MAPK8IP1: variants seen among roughly 807,000 people sequenced by gnomAD.
MAPK8IP1 encodes mitogen-activated protein kinase 8 interacting protein 1, also known as C-Jun-amino-terminal kinase-interacting protein 1.
In MAPK8IP1, 17 loss-of-function variants were observed where a neutral mutation model predicts 72.6. The ratio of observed to expected loss-of-function variants is 0.23; its 90% CI spans 0.16 to 0.35. MAPK8IP1 has a LOEUF of 0.35. Ranked by LOEUF, MAPK8IP1 falls within the 10% of genes least tolerant of loss-of-function variation. The pLI is 1.00. For synonymous variants in MAPK8IP1, 401 were observed against 443.4 expected, an observed-to-expected ratio of 0.90 and a Z score of 1.20; for missense variants, 789 against 1,009.7, an observed-to-expected ratio of 0.78 and a Z score of 2.96.
intron 1 of MAPK8IP1, among the ~76,000 whole-genome samples, chr11:45,892,273 A>C (rs952414578): frequency 6.6e-6 from 1 of 152,198 alleles, no homozygotes; most frequent in African/African-American, 2.4e-5. Context: ...AGAGGACCTG[A>C]CATCCTAGCC....
chr11:45,896,051 G>A (rs1198098748), intron 1 of MAPK8IP1, among the ~76,000 whole-genome samples: 2 of 152,190 alleles, frequency 1.3e-5, no homozygotes, highest in African/African-American at 2.4e-5. Flanking sequence ...TCTGTGCAGT[G>A]CCCTCCAGGG....
intron 1 of MAPK8IP1, 61 bp from the exon 2 acceptor site, chr11:45,898,024 A>G: frequency 2.0e-6 from 2 of 995,606 alleles, no homozygotes; most frequent in Non-Finnish European, 3.2e-6. Context: ...AAGAGGTAAC[A>G]GGGAGATGTG....
intron 1 of MAPK8IP1, among the ~76,000 whole-genome samples, chr11:45,895,619 C>CCA (rs2086597760): frequency 3.2e-5 from 1 of 31,206 alleles, no homozygotes; most frequent in Non-Finnish European, 1.9e-4. Context: ...AAGGCCGTCT[C>CCA]AAAAAAAAAA....
In MAPK8IP1 at chr11:45,902,467, G is replaced by A. The variant is rs374206135; in HGVS notation, c.700G>A (p.Asp234Asn). ...APTTDRGTST[D>N]SPCRRSTATQ... ...CACCACAGATCGAGGCACCTCCACC[G>A]ACAGCCCTTGCCGCCGCAGCACAGC... Residue 234 changes from aspartate (D) to asparagine (N), a missense_variant, in exon 5 of 12, where the codon GAC becomes AAC. Coordinates refer to ENST00000241014, the MANE Select transcript of MAPK8IP1 (RefSeq NM_005456.4). The surrounding 1 kb of genome is among the most constrained non-coding windows in gnomAD (Gnocchi z 9.3). The A allele has an allele frequency of 3.9e-5, 62 of 1,601,636 alleles. No homozygotes were observed. Among genetic ancestry groups the A allele is most frequent in the African/African-American group, 6.7e-5 (5 of 74,612 alleles).
chr11:45,902,437 GC>G lies in MAPK8IP1; in HGVS notation c.675del (p.Thr226ProfsTer50). 1.3e-6 allele frequency: 2 copies of G among 1,590,184 alleles called. No individual in the cohort carries two copies. Among genetic ancestry groups the G allele is most frequent in the Admixed American group, 1.8e-5 (1 of 56,576 alleles). On this transcript the variant is annotated frameshift_variant, in exon 5 of 12. Transcript: ENST00000241014. LOFTEE classifies it high-confidence loss of function. This position sits in a 1 kb window ranked among gnomAD's most constrained non-coding sequence, Gnocchi z 9.3. ...SDELPPQSGPAPTTDRGTSTD... is the reference protein window; with the variant it reads ...SDELPPQSGPXPTTDRGTSTD... Reference sequence around the variant, plus strand: ...TGAGCTGCCCCCCCAGAGCGGCCCCGCCCCCACCACAGATCGAGGCACCTCC... The same window carrying G: ...TGAGCTGCCCCCCCAGAGCGGCCCCGCCCCACCACAGATCGAGGCACCTCC...
In MAPK8IP1 at chr11:45,904,950, C is replaced by T. The variant is rs2086692586; in HGVS notation, c.1894-21C>T. 6.2e-7 allele frequency: 1 copy of T among 1,613,152 alleles called. No individual in the cohort carries two copies. Among genetic ancestry groups the T allele is most frequent in the Admixed American group, 1.7e-5 (1 of 60,004 alleles). Reference sequence around the variant, plus strand: ...TGCAGGCCAGGTGACCGCCCTCTTGCTTCTTTTCTCCCTCCTGTAGGGGAA... The same window carrying T: ...TGCAGGCCAGGTGACCGCCCTCTTGTTTCTTTTCTCCCTCCTGTAGGGGAA... On this transcript the variant is annotated intron_variant, in intron 9 of 11. Coordinates refer to ENST00000241014, the MANE Select transcript of MAPK8IP1 (RefSeq NM_005456.4). The surrounding 1 kb of genome is among the most constrained non-coding windows in gnomAD (Gnocchi z 6.4).
At chr11:45,901,720 G>T (rs1235218315) in intron 3 of MAPK8IP1, among the ~76,000 whole-genome samples, 1 of 152,164 alleles carries the variant, frequency 6.6e-6, no homozygotes, top group Non-Finnish European at 1.5e-5. Flanking sequence ...CTTTGTTAAG[G>T]CTGATAAGAG....
At chr11:45,890,475 C>T (rs4756038) in intron 1 of MAPK8IP1, among the ~76,000 whole-genome samples, 10,963 of 152,228 alleles carry the variant, frequency 0.072, 741 homozygotes, top group African/African-American at 0.16. Context: ...CTGGGGCTCA[C>T]GCACCCATGG....
chr11:45,897,598 G>A (rs759986170), intron 1 of MAPK8IP1, among the ~76,000 whole-genome samples: 1 of 152,218 alleles, frequency 6.6e-6, no homozygotes, highest in East Asian at 1.9e-4. Flanking sequence ...CTGGGCTCAA[G>A]GGGCATGAGT....
In MAPK8IP1 at chr11:45,905,244, C is replaced by A. The variant is rs910838565; in HGVS notation, c.2058C>A (p.Ser686=). Residue 686 remains serine (S), a synonymous_variant, in exon 11 of 12, where the codon TCC becomes TCA. Transcript: ENST00000241014. The part of the protein sequence containing the change: ...SEDSTKALAE[S]VGRAFQQFYK... ...ACTCCACCAAAGCCCTGGCAGAGTC[C>A]GTGGGGTACGTGTACACCCTGCTGA... 6.2e-7 allele frequency: 1 copy of A among 1,611,562 alleles called. No homozygotes were observed. The highest frequency in any genetic ancestry group is 8.5e-7 in the Non-Finnish European group (1 of 1,179,832).
intron 1 of MAPK8IP1, among the ~76,000 whole-genome samples, chr11:45,886,767 G>A (rs1225697898): frequency 6.6e-6 from 1 of 152,134 alleles, no homozygotes; most frequent in African/African-American, 2.4e-5. Context: ...GGAAGAGGCC[G>A]AAGTCACTGC....
intron 1 of MAPK8IP1, 69 bp downstream of exon 1, chr11:45,885,990 G>GC: frequency 2.0e-6 from 2 of 996,946 alleles, no homozygotes; most frequent in South Asian, 2.4e-5. Flanking sequence ...TGCCCTGCCC[G>GC]CCCCCCACCC....
rs201278305 is a variant in MAPK8IP1, at chr11:45,904,712, C to G, written c.1777-6C>G. ...CAGCTGACGTGGCTCCATTTGTCACCTGTAGATTGCCACCACCCGCCGGCT... is the reference window on the plus strand; with the variant it reads ...CAGCTGACGTGGCTCCATTTGTCACGTGTAGATTGCCACCACCCGCCGGCT... On this transcript the variant is annotated splice_polypyrimidine_tract_variant and splice_region_variant and intron_variant, in intron 8 of 11. Coordinates refer to ENST00000241014, the MANE Select transcript of MAPK8IP1 (RefSeq NM_005456.4). The surrounding 1 kb of genome is among the most constrained non-coding windows in gnomAD (Gnocchi z 6.4). 9.5e-5 allele frequency: 153 copies of G among 1,613,706 alleles called. No homozygotes were observed. The African/African-American group carries it at 1.9e-3, about 20-fold the overall frequency.
At chr11:45,888,699 C>CTTTTTTT (rs1196594833) in intron 1 of MAPK8IP1, among the ~76,000 whole-genome samples, 2 of 147,330 alleles carry the variant, frequency 1.4e-5, no homozygotes, top group African/African-American at 5.0e-5. Flanking sequence ...ATTTTACATA[C>CTTTTTTT]TTTTTTTTTT....
intron 1 of MAPK8IP1, among the ~76,000 whole-genome samples, chr11:45,892,654 G>C (rs148182158): frequency 6.6e-6 from 1 of 152,104 alleles, no homozygotes; most frequent in Non-Finnish European, 1.5e-5. Context: ...TGAAGGAGGA[G>C]ATAAAGGTGG....
Position 45,900,290 on chromosome 11 carries a change from G to C in MAPK8IP1, c.360G>C (p.Arg120=). The change falls in exon 3 of 12, where the codon CGG becomes CGC. Residue 120 remains arginine, a synonymous_variant. Coordinates refer to ENST00000241014, the MANE Select transcript of MAPK8IP1 (RefSeq NM_005456.4). This position sits in a 1 kb window ranked among gnomAD's most constrained non-coding sequence, Gnocchi z 6.5. ...ACGACGACGAGGAGCGCGCGGCCCG[G>C]CGGCCGGGAGCGGGGCCGCCCAAGG... The part of the protein sequence containing the change: ...EEDDDEERAA[R]RPGAGPPKAE... 2 of 1,330,530 alleles carry C rather than the reference G, an allele frequency of 1.5e-6. No homozygotes were observed. Among genetic ancestry groups the C allele is most frequent in the Admixed American group, 8.4e-5 (2 of 23,924 alleles). 82.4% of individuals were successfully genotyped at this position (1,330,530 alleles called of 1,614,324 possible).
rs1305013185 is a variant in MAPK8IP1 at position 45,900,084 on chromosome 11, G to GGCCTCGGCCCC, written c.208-50_208-40dup. ...CGCCCGGGCGGGGGGCGGTGCAAGCGGCCTCGGCCCCGCCCCGGCCCCGCC... is the reference window on the plus strand; with the variant it reads ...CGCCCGGGCGGGGGGCGGTGCAAGCGGCCTCGGCCCCGCCTCGGCCCCGCCCCGGCCCCGCC... On this transcript the variant is annotated intron_variant, in intron 2 of 11. Transcript: ENST00000241014. This position sits in a 1 kb window ranked among gnomAD's most constrained non-coding sequence, Gnocchi z 6.5. 1 of 1,100,778 alleles carries GGCCTCGGCCCC rather than the reference G, an allele frequency of 9.1e-7. No individual in the cohort carries two copies. Among genetic ancestry groups the GGCCTCGGCCCC allele is most frequent in the African/African-American group, 1.7e-5 (1 of 60,582 alleles). The allele number at this position is 1,100,778 out of a possible 1,614,324, so 68.2% of individuals were successfully genotyped here. A position where few individuals can be genotyped will look rare whatever the true frequency, so the allele number is the denominator to read the frequency against.
At position 45,900,150 on chromosome 11, in the gene MAPK8IP1, G is replaced by C; in HGVS notation, c.220G>C (p.Gly74Arg). Residue 74 changes from glycine to arginine, a missense_variant, in exon 3 of 12, where the codon GGG (glycine) becomes CGG (arginine). Around this residue, in one of 4 missense-constraint regions of MAPK8IP1, gnomAD observed 112 missense variants for 111.8 expected, o/e 1.00. Coordinates refer to ENST00000241014, the MANE Select transcript of MAPK8IP1 (RefSeq NM_005456.4). The surrounding 1 kb of genome is among the most constrained non-coding windows in gnomAD (Gnocchi z 6.5). ...DTLSLRPPRAGLLSAGGGGAG... is the reference protein window; with the variant it reads ...DTLSLRPPRARLLSAGGGGAG... ...GTGCGCTGTGCAGCCCCCGCGCGCCGGGCTGCTCTCTGCGGGCGGCGGCGG... is the reference window on the plus strand; with the variant it reads ...GTGCGCTGTGCAGCCCCCGCGCGCCCGGCTGCTCTCTGCGGGCGGCGGCGG... The C allele has an allele frequency of 7.7e-7, 1 of 1,297,788 alleles. No homozygotes were observed. The highest frequency in any genetic ancestry group is 9.7e-7 in the Non-Finnish European group (1 of 1,029,776). 80.4% of individuals were successfully genotyped at this position (1,297,788 alleles called of 1,614,324 possible).
In MAPK8IP1 at chr11:45,903,250, GT is replaced by G; in HGVS notation, c.1417+67del. On this transcript the variant is annotated intron_variant, in intron 5 of 11. Coordinates refer to ENST00000241014, the MANE Select transcript of MAPK8IP1 (RefSeq NM_005456.4). The surrounding 1 kb of genome is among the most constrained non-coding windows in gnomAD (Gnocchi z 6.4). ...AGCGGGGGCAGAGCCAAAATGCGAA[GT>G]GTTCTGGGAGGCGACCCCAGGCCCC... 1 of 1,587,000 alleles carries G rather than the reference GT, an allele frequency of 6.3e-7. No homozygotes were observed. The highest frequency in any genetic ancestry group is 8.6e-7 in the Non-Finnish European group (1 of 1,164,410).
Sources: gnomAD v4.1 joint callset for allele counts (sites outside exome capture counted in the v4.1 genomes callset) on GRCh38, gnomAD v4.1.1 for gene constraint, gnomAD v4.1.1 regional missense constraint, Gnocchi (gnomAD v3.1) non-coding constraint, MANE v1.5 for transcripts, NCBI Gene and HGNC (gene_info 2026-07-23, HGNC 2026-07-21) for gene names.